HIGD1A: variants seen among roughly 807,000 people sequenced by gnomAD.
The protein encoded by HIGD1A is HIG1 hypoxia inducible domain family member 1A.
In HIGD1A, 8 loss-of-function variants were observed where a neutral mutation model predicts 11.3. The ratio of observed to expected loss-of-function variants is 0.71; its 90% CI spans 0.42 to 1.28. The LOEUF is 1.28. HIGD1A is among the 50% of genes most tolerant of loss of function. The pLI is 0.01. For missense variants in HIGD1A, 107 were observed against 118.8 expected (o/e 0.90, Z 0.46); for synonymous variants, 32 against 38.4 (o/e 0.83, Z 0.62).
intron 1 of HIGD1A, among the ~76,000 whole-genome samples, chr3:42,802,812 G>C (rs1217695311): frequency 6.6e-6 from 1 of 152,150 alleles, no homozygotes; most frequent in Non-Finnish European, 1.5e-5. Flanking sequence ...AGAGAGTCCT[G>C]GGTTCTTTTG....
chr3:42,787,382 A>AT (rs1700364143), intron 2 of HIGD1A, among the ~76,000 whole-genome samples: 1 of 151,738 alleles, frequency 6.6e-6, no homozygotes, highest in Non-Finnish European at 1.5e-5. Flanking sequence ...ATCACCTGAG[A>AT]TCAGGGGTTT....
At chr3:42,788,216 G>A (rs1238692241) in intron 2 of HIGD1A, among the ~76,000 whole-genome samples, 1 of 152,192 alleles carries the variant, frequency 6.6e-6, no homozygotes, top group African/African-American at 2.4e-5. Flanking sequence ...TTAGGAATGA[G>A]GAAGTGGATA....
At chr3:42,795,295 T>G (rs1483972045) in intron 1 of HIGD1A, among the ~76,000 whole-genome samples, 1 of 151,694 alleles carries the variant, frequency 6.6e-6, no homozygotes, top group Non-Finnish European at 1.5e-5. Context: ...CTTGGTTCAC[T>G]GCAACCTCTG....
chr3:42,789,691 T>C (rs990753830), intron 2 of HIGD1A, among the ~76,000 whole-genome samples: 2 of 152,030 alleles, frequency 1.3e-5, no homozygotes, highest in Non-Finnish European at 2.9e-5. Flanking sequence ...TACTTAGTGT[T>C]AAAACACTAT....
At chr3:42,789,038 A>ATT (rs35390450) in intron 2 of HIGD1A, among the ~76,000 whole-genome samples, 35,564 of 113,902 alleles carry the variant, frequency 0.31, 7,057 homozygotes, top group South Asian at 0.4. Flanking sequence ...TACTTTGGGA[A>ATT]TTTTTTTTTT....
At chr3:42,802,625 A>G (rs1470410515) in intron 1 of HIGD1A, among the ~76,000 whole-genome samples, 3 of 152,260 alleles carry the variant, frequency 2.0e-5, no homozygotes, top group Non-Finnish European at 4.4e-5. Flanking sequence ...AAAACTGGTT[A>G]AGTATCAGGA....
intron 1 of HIGD1A, among the ~76,000 whole-genome samples, chr3:42,802,761 A>T (rs975899323): frequency 6.6e-6 from 1 of 152,212 alleles, no homozygotes; most frequent in African/African-American, 2.4e-5. Flanking sequence ...TACAAGGAAT[A>T]CATGTCTGGT....
At chr3:42,791,054 C>T (rs1408175933) in intron 2 of HIGD1A, among the ~76,000 whole-genome samples, 1 of 152,190 alleles carries the variant, frequency 6.6e-6, no homozygotes, top group African/African-American at 2.4e-5. Context: ...AAGTTTCTGG[C>T]AGACAGATCA....
intron 2 of HIGD1A, among the ~76,000 whole-genome samples, chr3:42,788,713 C>T (rs138883703): frequency 3.3e-3 from 507 of 152,006 alleles, no homozygotes; most frequent in South Asian, 5.4e-3. Context: ...GAAACCCCGT[C>T]TCTACTAAAA....
At position 42,786,067 on chromosome 3, in the gene HIGD1A, C is replaced by A. The variant is rs369168250; in HGVS notation, c.193G>T (p.Val65Leu). The change falls in exon 3 of 4, where the codon GTG becomes TTG. Residue 65 changes from valine (V) to leucine (L), a missense_variant. By Grantham distance (32) the Val-to-Leu change is conservative. Transcript: ENST00000321331. ...CCTACAACAAAGCCTTGGGCTGCCA[C>A]ACGCATGTGGATCAGATGAATGGAC... is the stretch of plus-strand genomic sequence containing the variant. ...KMSIHLIHMR[V>L]AAQGFVVGAM... 6.2e-7 allele frequency: 1 copy of A among 1,613,128 alleles called. No individual in the cohort carries two copies. Among genetic ancestry groups the A allele is most frequent in the Non-Finnish European group, 8.5e-7 (1 of 1,179,960 alleles).
At chr3:42,794,103 A>G in intron 2 of HIGD1A, 54 bp downstream of exon 2, 1 of 1,538,424 alleles carries the variant, frequency 6.5e-7, no homozygotes, top group Non-Finnish European at 8.7e-7. Flanking sequence ...CTAAATGAAC[A>G]AATTATCACG....
At chr3:42,796,449 A>T (rs1433081919) in intron 1 of HIGD1A, among the ~76,000 whole-genome samples, 189 of 74,600 alleles carry the variant, frequency 2.5e-3, no homozygotes, top group Middle Eastern at 7.4e-3. Context: ...TTTTTTTTAA[A>T]AAAAAAAGAG....
At chr3:42,792,778 G>A (rs1401789897) in intron 2 of HIGD1A, among the ~76,000 whole-genome samples, 2 of 151,546 alleles carry the variant, frequency 1.3e-5, no homozygotes, top group Admixed American at 6.6e-5. Context: ...TCAGGAGTTC[G>A]AGACCAGCCT....
At chr3:42,791,855 C>T (rs1257906981) in intron 2 of HIGD1A, among the ~76,000 whole-genome samples, 1 of 152,164 alleles carries the variant, frequency 6.6e-6, no homozygotes, top group Non-Finnish European at 1.5e-5. Context: ...ACACAACACA[C>T]TGGCAGGAAG....
At chr3:42,791,204 A>G (rs536635072) in intron 2 of HIGD1A, among the ~76,000 whole-genome samples, 1 of 152,220 alleles carries the variant, frequency 6.6e-6, no homozygotes, top group East Asian at 1.9e-4. Context: ...AAGTATCCAT[A>G]CGGAAAATAA....
At chr3:42,786,215 CTT>C (rs955647683) in intron 2 of HIGD1A, 53 bp from the exon 3 acceptor site, 2 of 1,576,698 alleles carry the variant, frequency 1.3e-6, no homozygotes, top group African/African-American at 1.3e-5. Flanking sequence ...ACCAAGATGA[CTT>C]TACCATCAGT....
rs1479050359 is a variant in HIGD1A, at chr3:42,783,834, G to C, written c.*1437C>G. ...CTCACGCCTGTAATCCTAGCACTTT[G>C]GGAGGCCGAGGCAGGTGGATAACCT... On this transcript the variant is annotated 3_prime_UTR_variant, in exon 4 of 4. Coordinates refer to ENST00000321331, the MANE Select transcript of HIGD1A (RefSeq NM_014056.4). Among the ~76,000 whole-genome samples the C allele has an allele frequency of 6.6e-6, 1 of 152,234 alleles. No homozygotes were observed. The highest frequency in any genetic ancestry group is 1.9e-4 in the East Asian group (1 of 5,170).
At chr3:42,785,885 CATTA>C in intron 3 of HIGD1A, 139 bp downstream of exon 3, 1 of 757,526 alleles carries the variant, frequency 1.3e-6, no homozygotes, top group Non-Finnish European at 2.2e-6. Context: ...GAATTATCTT[CATTA>C]ATTCATTTTT....
chr3:42,789,262 G>A (rs966426758), intron 2 of HIGD1A, among the ~76,000 whole-genome samples: 14 of 151,894 alleles, frequency 9.2e-5, no homozygotes, highest in Non-Finnish European at 1.8e-4. Flanking sequence ...GGCTGGTCTC[G>A]AACTCCTGAC....
Sources: allele counts gnomAD v4.1 joint callset (sites outside exome capture counted in the v4.1 genomes callset), GRCh38; gene constraint gnomAD v4.1.1; transcripts MANE v1.5; gene names NCBI Gene and HGNC (gene_info 2026-07-23, HGNC 2026-07-21).